CSMD1: variants seen among roughly 807,000 people sequenced by gnomAD.
CSMD1 encodes CUB and Sushi multiple domains 1.
In CSMD1, 213 loss-of-function variants were observed where a neutral mutation model predicts 417.5. The ratio of observed to expected loss-of-function variants is 0.51; its 90% CI spans 0.46 to 0.57. The LOEUF (loss-of-function observed/expected upper bound fraction) is 0.57, where lower values mean the gene tolerates loss of function less well. Ranked by LOEUF, CSMD1 falls within the 20% of genes least tolerant of loss-of-function variation. The pLI is 0.00. For missense variants in CSMD1, 6,923 were observed against 4,529.7 expected, an observed-to-expected ratio of 1.53 and a Z score of -15.17; for synonymous variants, 2,862 against 1,736.8, an observed-to-expected ratio of 1.65 and a Z score of -16.11.
At chr8:4,056,741 C>A (rs181094496) in intron 3 of CSMD1, among the ~76,000 whole-genome samples, 2 of 151,820 alleles carry the variant, frequency 1.3e-5, no homozygotes, top group African/African-American at 2.4e-5. Context: ...TGTGTCCATG[C>A]GTTCTCATTG....
intron 2 of CSMD1, among the ~76,000 whole-genome samples, chr8:4,541,607 G>C (rs1376646838): frequency 6.6e-6 from 1 of 152,024 alleles, no homozygotes; most frequent in Non-Finnish European, 1.5e-5. Context: ...AATTAGCCGG[G>C]CATGGTGGCA....
At position 2,935,422 on chromosome 8, in the gene CSMD1, T is replaced by C. The variant is rs1585020090; in HGVS notation, c.*3163A>G. The C allele has an allele frequency of 3.3e-5, 5 of 152,304 alleles. No homozygotes were observed. The East Asian group carries it at 9.6e-4, about 29-fold the overall frequency. 9.4% of individuals were successfully genotyped at this position (152,304 alleles called of 1,614,324 possible). On this transcript the variant is annotated 3_prime_UTR_variant, in exon 70 of 70. Coordinates refer to ENST00000635120, the MANE Select transcript of CSMD1 (RefSeq NM_033225.6). The stretch of plus-strand genomic sequence containing the variant: ...TAAAGATTGGTGGCATTGCACAGGC[T>C]ATATTACACCCTCTTTATAATTTTT...
At chr8:4,358,455 G>C (rs1001745337) in intron 3 of CSMD1, among the ~76,000 whole-genome samples, 1 of 152,192 alleles carries the variant, frequency 6.6e-6, no homozygotes, top group South Asian at 2.1e-4. Flanking sequence ...GTCGGCCTGG[G>C]GGGAGCTGCC....
chr8:4,961,696 T>C (rs1340470525), intron 1 of CSMD1, among the ~76,000 whole-genome samples: 5 of 152,116 alleles, frequency 3.3e-5, no homozygotes, highest in African/African-American at 9.7e-5. Flanking sequence ...GTTTTTTTTC[T>C]GAAATGATAA....
intron 42 of CSMD1, among the ~76,000 whole-genome samples, chr8:3,115,664 A>C (rs1488489685): frequency 6.6e-6 from 1 of 152,188 alleles, no homozygotes; most frequent in Non-Finnish European, 1.5e-5. Flanking sequence ...TTTTTCAGAT[A>C]AATTTATACT....
At chr8:4,811,843 T>C (rs1798925916) in intron 1 of CSMD1, among the ~76,000 whole-genome samples, 1 of 152,140 alleles carries the variant, frequency 6.6e-6, no homozygotes, top group South Asian at 2.1e-4. Context: ...TTTTCTTCTA[T>C]GAGACAGTGA....
At chr8:4,941,212 AAAC>A (rs1282768812) in intron 1 of CSMD1, among the ~76,000 whole-genome samples, 4 of 152,242 alleles carry the variant, frequency 2.6e-5, no homozygotes, top group Non-Finnish European at 4.4e-5. Flanking sequence ...TCTTGTTTCA[AAAC>A]AACAAAACAT....
intron 9 of CSMD1, 83 bp downstream of exon 9, chr8:3,586,053 T>C (rs2116998550): frequency 7.1e-7 from 1 of 1,398,962 alleles, no homozygotes; most frequent in Non-Finnish European, 9.7e-7. Flanking sequence ...TACACAATGC[T>C]TCATGCTTAA....
chr8:4,314,498 G>C (rs1350050539), intron 3 of CSMD1, among the ~76,000 whole-genome samples: 2 of 152,224 alleles, frequency 1.3e-5, no homozygotes, highest in South Asian at 2.1e-4. Context: ...TTTCTAAGCA[G>C]TCTGGACTTT....
At chr8:4,143,281 C>G (rs1376504633) in intron 3 of CSMD1, among the ~76,000 whole-genome samples, 4 of 150,994 alleles carry the variant, frequency 2.6e-5, no homozygotes, top group Admixed American at 2.0e-4. Flanking sequence ...AGAAATTTCT[C>G]CTTCAGGCCA....
intron 1 of CSMD1, among the ~76,000 whole-genome samples, chr8:4,811,115 G>T (rs550234261): frequency 6.6e-6 from 1 of 152,102 alleles, no homozygotes; most frequent in Non-Finnish European, 1.5e-5. Context: ...CATTTTTATG[G>T]CAACACATAA....
intron 1 of CSMD1, among the ~76,000 whole-genome samples, chr8:4,907,009 A>G (rs924134747): frequency 2.0e-5 from 3 of 152,192 alleles, no homozygotes; most frequent in Admixed American, 6.5e-5. Flanking sequence ...TAATTCATCT[A>G]TATGTCTTAA....
intron 3 of CSMD1, among the ~76,000 whole-genome samples, chr8:4,084,308 C>CA (rs751293413): frequency 2.9e-5 from 4 of 137,210 alleles, no homozygotes; most frequent in Non-Finnish European, 4.7e-5. Flanking sequence ...AAAAAAGTGA[C>CA]AAAAAATATT....
In CSMD1 at chr8:3,692,491, G is replaced by C. The variant is rs566021894; in HGVS notation, c.1009+15923C>G. 4.7e-5 allele frequency among the ~76,000 whole-genome samples: 7 copies of C among 150,522 alleles called. No individual in the cohort carries two copies. The East Asian group carries it at 1.2e-3, about 25-fold the overall frequency. On this transcript the variant is annotated intron_variant, in intron 7 of 69. Coordinates refer to ENST00000635120, the MANE Select transcript of CSMD1 (RefSeq NM_033225.6). ...GAGTCTCCCTCTGTCACCCAGGCTG[G>C]AGTGCACTGGCGCGATATCGGCTCA...
intron 5 of CSMD1, among the ~76,000 whole-genome samples, chr8:3,889,798 C>G (rs2627343): frequency 0.57 from 85,991 of 151,706 alleles, 25,993 homozygotes; most frequent in Admixed American, 0.68. Flanking sequence ...GTATCCCATA[C>G]TCTTCTGTTG....
chr8:3,902,063 T>C (rs1050408397), intron 5 of CSMD1, among the ~76,000 whole-genome samples: 5 of 152,200 alleles, frequency 3.3e-5, no homozygotes, highest in Admixed American at 2.6e-4. Flanking sequence ...TTTGTACAGA[T>C]TGTTGCCAGA....
chr8:3,774,024 C>G (rs1006770073), intron 5 of CSMD1, among the ~76,000 whole-genome samples: 1 of 152,112 alleles, frequency 6.6e-6, no homozygotes, highest in Non-Finnish European at 1.5e-5. Context: ...CTGCGCTATC[C>G]TACCTATCTT....
At chr8:4,738,425 G>C (rs973451416) in intron 1 of CSMD1, among the ~76,000 whole-genome samples, 1 of 152,090 alleles carries the variant, frequency 6.6e-6, no homozygotes, top group Admixed American at 6.6e-5. Flanking sequence ...GCTGAGCGAA[G>C]GGGGAAAAGC....
At chr8:3,061,577 T>A (rs1223374195) in intron 49 of CSMD1, among the ~76,000 whole-genome samples, 1 of 152,112 alleles carries the variant, frequency 6.6e-6, no homozygotes, top group African/African-American at 2.4e-5. Flanking sequence ...CAGTGTCTCC[T>A]CAATCATATG....
Sources: allele counts gnomAD v4.1 joint callset (sites outside exome capture counted in the v4.1 genomes callset), GRCh38; gene constraint gnomAD v4.1.1; transcripts MANE v1.5; gene names NCBI Gene and HGNC (gene_info 2026-07-23, HGNC 2026-07-21).